Variants in FCRL4 observed in about 807,000 individuals in gnomAD.
FCRL4 encodes Fc receptor like 4, also known as Fc receptor-like protein 4.
A neutral mutation model predicts 64.1 loss-of-function variants in FCRL4; 43 were observed. The observed-to-expected ratio is 0.67, with a 90% CI of 0.53 to 0.87. The LOEUF (loss-of-function observed/expected upper bound fraction) is 0.87. FCRL4 is among the 40% of genes least tolerant of loss of function. The pLI, the probability that FCRL4 is intolerant of heterozygous loss-of-function variation, is 0.00. For synonymous variants in FCRL4, 253 were observed against 239.8 expected (o/e 1.05, Z -0.51); for missense variants, 656 against 613.5 (o/e 1.07, Z -0.73).
intron 2 of FCRL4, 101 bp from the exon 3 acceptor site, chr1:157,589,559 T>C (rs113916332): frequency 0.016 from 22,764 of 1,427,734 alleles, 928 homozygotes; most frequent in African/African-American, 0.15. Context: ...GGGAGATCCC[T>C]AAGATGCCCC....
chr1:157,579,352 AG>A, intron 8 of FCRL4, among the ~76,000 whole-genome samples: 1 of 152,026 alleles, frequency 6.6e-6, no homozygotes, highest in East Asian at 1.9e-4. Context: ...CCTGGGTGAC[AG>A]AGCCAGATCC....
intron 2 of FCRL4, among the ~76,000 whole-genome samples, chr1:157,591,398 G>A (rs966007691): frequency 1.7e-4 from 26 of 152,102 alleles, no homozygotes; most frequent in Non-Finnish European, 4.4e-5. Flanking sequence ...ATAGATAGAG[G>A]GAAATTTTTT....
At position 157,586,193 on chromosome 1, in the gene FCRL4, G is replaced by A. The variant is rs1290764169; in HGVS notation, c.1110C>T (p.Ser370=). 1.2e-6 allele frequency: 2 copies of A among 1,612,844 alleles called. No individual in the cohort carries two copies. Among genetic ancestry groups the A allele is most frequent in the Non-Finnish European group, 1.7e-6 (2 of 1,179,094 alleles). Reference sequence around the variant, plus strand: ...CTCTCACAGTGACATTCAGCACCATGCTCTGGACAGGGCCGTAGCTGTTGT... The same window carrying A: ...CTCTCACAGTGACATTCAGCACCATACTCTGGACAGGGCCGTAGCTGTTGT... ...TADNSYGPVQ[S]MVLNVTVRET... is the part of the protein sequence containing the mutation. Residue 370 remains serine, a synonymous_variant, in exon 6 of 12, where the codon AGC becomes AGT. Transcript: ENST00000271532.
At chr1:157,579,202 T>C (rs1024632371) in intron 8 of FCRL4, among the ~76,000 whole-genome samples, 8 of 152,128 alleles carry the variant, frequency 5.3e-5, no homozygotes, top group African/African-American at 1.9e-4. Context: ...ACCTTGTCTC[T>C]ACACAGAATA....
At chr1:157,597,847 A>G (rs1653000975) in intron 1 of FCRL4, 67 bp downstream of exon 1, 1 of 1,319,244 alleles carries the variant, frequency 7.6e-7, no homozygotes, top group African/African-American at 1.5e-5. Flanking sequence ...AGCAGCAGAA[A>G]AGAGGGCTTT....
intron 2 of FCRL4, among the ~76,000 whole-genome samples, chr1:157,592,744 C>A (rs186246971): frequency 6.6e-6 from 1 of 152,110 alleles, no homozygotes; most frequent in Non-Finnish European, 1.5e-5. Flanking sequence ...GGGTATATAC[C>A]CAAAGGATTA....
chr1:157,590,755 G>A (rs950616834), intron 2 of FCRL4, among the ~76,000 whole-genome samples: 7 of 152,086 alleles, frequency 4.6e-5, no homozygotes, highest in Admixed American at 4.6e-4. Flanking sequence ...CTGACCTCGT[G>A]ATCCACCTGC....
intron 6 of FCRL4, among the ~76,000 whole-genome samples, chr1:157,584,337 T>G (rs1047673016): frequency 6.6e-6 from 1 of 151,938 alleles, no homozygotes; most frequent in East Asian, 1.9e-4. Flanking sequence ...AAGACCAGAC[T>G]GGGCAACGTA....
chr1:157,596,622 G>A (rs533889626), intron 1 of FCRL4, among the ~76,000 whole-genome samples: 12 of 152,278 alleles, frequency 7.9e-5, no homozygotes, highest in East Asian at 1.9e-4. Context: ...TCATGAAAGC[G>A]ACCTCATAGT....
At position 157,586,153 on chromosome 1, in the gene FCRL4, G is replaced by T; in HGVS notation, c.1135+15C>A. On this transcript the variant is annotated intron_variant, in intron 6 of 11. Transcript: ENST00000271532. ...TTGCTGAGAATAAATAAGGTCAATA[G>T]AGATTAAAACTCACCTCTCACAGTG... The T allele has an allele frequency of 6.3e-7, 1 of 1,593,666 alleles. No homozygotes were observed.
Position 157,574,728 on chromosome 1 carries a change from T to G in FCRL4, c.*796A>C. On this transcript the variant is annotated 3_prime_UTR_variant, in exon 12 of 12. Transcript: ENST00000271532. ...GAACAGACGTAGGAAATATTTATCT[T>G]TTTTTAAAGGCAGAGTTTATTATGA... The G allele has an allele frequency of 4.7e-6, 1 of 210,918 alleles. No individual in the cohort carries two copies. 13.1% of individuals were successfully genotyped at this position (210,918 alleles called of 1,614,324 possible).
chr1:157,594,675 A>G (rs1652919591), intron 2 of FCRL4, among the ~76,000 whole-genome samples: 1 of 152,152 alleles, frequency 6.6e-6, no homozygotes. Flanking sequence ...ACATTTAAAG[A>G]TTTTCAGGCA....
intron 2 of FCRL4, among the ~76,000 whole-genome samples, chr1:157,591,913 T>C (rs1652847358): frequency 6.6e-6 from 1 of 152,114 alleles, no homozygotes; most frequent in African/African-American, 2.4e-5. Context: ...ACCAATGGAA[T>C]GGAACAGAGG....
At position 157,574,253 on chromosome 1, in the gene FCRL4, TA is replaced by T. The variant is rs907390337; in HGVS notation, c.*1270del. ...GTTATAGAAGCCAGGTGATTTGCCC[TA>T]TAGAACTTTTTCTCAGTTTATGTTT... On this transcript the variant is annotated 3_prime_UTR_variant, in exon 12 of 12. Coordinates refer to ENST00000271532, the MANE Select transcript of FCRL4 (RefSeq NM_031282.3). 2.3e-5 allele frequency: 5 copies of T among 219,512 alleles called. No homozygotes were observed. Among genetic ancestry groups the T allele is most frequent in the African/African-American group, 9.0e-5 (4 of 44,622 alleles). The allele number at this position is 219,512 out of a possible 1,614,324, so 13.6% of individuals were successfully genotyped here. A position where few individuals can be genotyped will look rare whatever the true frequency, so the allele number is the denominator to read the frequency against.
In FCRL4 at chr1:157,588,093, A is replaced by C; in HGVS notation, c.334T>G (p.Ser112Ala). 1 of 1,613,686 alleles carries C rather than the reference A, an allele frequency of 6.2e-7. No homozygotes were observed. Among genetic ancestry groups the C allele is most frequent in the Non-Finnish European group, 8.5e-7 (1 of 1,179,854 alleles). The change falls in exon 4 of 12, where the codon TCT becomes GCT. Residue 112 changes from serine (S) to alanine (A), a missense_variant. Transcript: ENST00000271532. ...SDSLILQAPY[S>A]VFEGDTLVLR... is the part of the protein sequence containing the mutation. ...ACCAATGTGTCACCTTCAAACACAGAATATGGTGCCTGCAGGATTAAGGAG... is the reference window on the plus strand; with the variant it reads ...ACCAATGTGTCACCTTCAAACACAGCATATGGTGCCTGCAGGATTAAGGAG...
At position 157,598,054 on chromosome 1, in the gene FCRL4, C is replaced by A; in HGVS notation, c.-110G>T. ...CAGCACCAGCAGTGAGCTCAGTAAGCTTCTTCTCTGCATAAAGCTGATTGA... is the reference window on the plus strand; with the variant it reads ...CAGCACCAGCAGTGAGCTCAGTAAGATTCTTCTCTGCATAAAGCTGATTGA... On this transcript the variant is annotated 5_prime_UTR_variant, in exon 1 of 12. Transcript: ENST00000271532. The A allele has an allele frequency of 1.3e-6, 1 of 756,306 alleles. No homozygotes were observed. The highest frequency in any genetic ancestry group is 2.4e-6 in the Non-Finnish European group (1 of 425,380). The allele number at this position is 756,306 out of a possible 1,614,324, so 46.8% of individuals were successfully genotyped here.
intron 2 of FCRL4, among the ~76,000 whole-genome samples, chr1:157,592,134 A>G (rs1652852233): frequency 1.3e-5 from 2 of 152,248 alleles, no homozygotes; most frequent in Non-Finnish European, 2.9e-5. Flanking sequence ...CCTAAAAACC[A>G]TAAAAACTCT....
At chr1:157,578,275 A>C (rs1652459527) in intron 10 of FCRL4, among the ~76,000 whole-genome samples, 199 bp downstream of exon 10, 1 of 152,204 alleles carries the variant, frequency 6.6e-6, no homozygotes, top group Admixed American at 6.5e-5. Flanking sequence ...GATCATCAGC[A>C]AAAGTATACT....
At position 157,578,304 on chromosome 1, in the gene FCRL4, A is replaced by C. The variant is rs374491320; in HGVS notation, c.1429+170T>G. Among the ~76,000 whole-genome samples the C allele has an allele frequency of 3.3e-4, 50 of 152,276 alleles. No individual in the cohort carries two copies. The South Asian group carries it at 1.0e-2, about 30-fold the overall frequency. On this transcript the variant is annotated intron_variant, in intron 10 of 11. Transcript: ENST00000271532. ...GTATACTGTGTGTATTTCAGTGCCT[A>C]TCTTCCCTCCTTAGAATCTAAGCTC... is the stretch of plus-strand genomic sequence containing the variant.
Sources: gnomAD v4.1 joint callset for allele counts (sites outside exome capture counted in the v4.1 genomes callset) on GRCh38, gnomAD v4.1.1 for gene constraint, MANE v1.5 for transcripts, NCBI Gene and HGNC (gene_info 2026-07-23, HGNC 2026-07-21) for gene names.